Variants in PIK3C2A observed in about 807,000 individuals in gnomAD.
PIK3C2A encodes the protein phosphatidylinositol-4-phosphate 3-kinase catalytic subunit type 2 alpha, also known as phosphatidylinositol 4-phosphate 3-kinase C2 domain-containing subunit alpha.
In PIK3C2A, 97 loss-of-function variants were observed where a neutral mutation model predicts 204.5. The ratio of observed to expected loss-of-function variants is 0.47; its 90% confidence interval spans 0.40 to 0.56. The LOEUF (loss-of-function observed/expected upper bound fraction) is 0.56, where lower values mean the gene tolerates loss of function less well. Ranked by LOEUF, PIK3C2A falls within the 20% of genes least tolerant of loss-of-function variation. The pLI is 0.00. For missense variants in PIK3C2A, 1,735 were observed against 1,969.2 expected (o/e 0.88, Z 2.25); for synonymous variants, 653 against 664.4 (o/e 0.98, Z 0.26).
intron 1 of PIK3C2A, chr11:17,204,229 C>A (rs1383270795): frequency 2.6e-5 from 4 of 152,102 alleles, no homozygotes; most frequent in Non-Finnish European, 5.9e-5. Flanking sequence ...TGTGGCTGTT[C>A]CAAATTGAGA....
chr11:17,126,520 T>C (rs1211149485), intron 13 of PIK3C2A, among the ~76,000 whole-genome samples: 1 of 152,236 alleles, frequency 6.6e-6, no homozygotes, highest in Non-Finnish European at 1.5e-5. Context: ...AATTATTTCA[T>C]AAAGAATTTC....
At chr11:17,137,040 A>G (rs2137396579) in intron 8 of PIK3C2A, among the ~76,000 whole-genome samples, 1 of 152,346 alleles carries the variant, frequency 6.6e-6, no homozygotes, top group East Asian at 1.9e-4. Context: ...ACATATTAAT[A>G]ACACTGGGCA....
rs184084748 is a variant in PIK3C2A, at chr11:17,173,449, T to C, written c.-65-3643A>G. Among the ~76,000 whole-genome samples, 724 of 152,258 alleles carry C rather than the reference T, an allele frequency of 4.8e-3. 4 individuals carry two copies. Among genetic ancestry groups the C allele is most frequent in the Admixed American group, 9.2e-3 (141 of 15,284 alleles). ...CCGTCTTTGTCACCACTTGAGGAGA[T>C]AATGCCTAAAAATGAATCCAATCCA... On this transcript the variant is annotated intron_variant, in intron 1 of 32. Transcript: ENST00000691414.
Position 17,169,026 on chromosome 11 carries a change from T to C in PIK3C2A, c.716A>G (p.Asn239Ser). The change falls in exon 2 of 33, where the codon AAT becomes AGT. Residue 239 changes from asparagine to serine, a missense_variant. Coordinates refer to ENST00000691414, the MANE Select transcript of PIK3C2A (RefSeq NM_002645.4). ...CTCCAAATCAGTCCTTGCTTTCCCATTTTTTAAAAATTCTGATGTACTAGC... is the reference window on the plus strand; with the variant it reads ...CTCCAAATCAGTCCTTGCTTTCCCACTTTTTAAAAATTCTGATGTACTAGC... ...KIASTSEFLKNGKARTDLEIT... is the reference protein window; with the variant it reads ...KIASTSEFLKSGKARTDLEIT... 1 of 1,613,902 alleles carries C rather than the reference T, an allele frequency of 6.2e-7. No individual in the cohort carries two copies. The highest frequency in any genetic ancestry group is 8.5e-7 in the Non-Finnish European group (1 of 1,179,920).
chr11:17,097,005 G>C (rs1314787754), intron 27 of PIK3C2A, 52 bp downstream of exon 27: 1 of 1,068,482 alleles, frequency 9.4e-7, no homozygotes, highest in Non-Finnish European at 1.4e-6. Flanking sequence ...GAAGTAGAAA[G>C]GACAACAATA....
At chr11:17,175,246 A>G (rs1444279133) in intron 1 of PIK3C2A, among the ~76,000 whole-genome samples, 1 of 152,174 alleles carries the variant, frequency 6.6e-6, no homozygotes, top group Non-Finnish European at 1.5e-5. Flanking sequence ...TGCTTGCTCT[A>G]TTTCTAGTAC....
rs754154260 is a variant in PIK3C2A, at chr11:17,114,463, A to T, written c.3219T>A (p.Val1073=). 2.1e-6 allele frequency: 3 copies of T among 1,412,336 alleles called. No homozygotes were observed. In the East Asian group the frequency reaches 6.8e-5, roughly 32 times the overall value. 87.5% of individuals were successfully genotyped at this position (1,412,336 alleles called of 1,614,324 possible). A position where few individuals can be genotyped will look rare whatever the true frequency, so the allele number is the denominator to read the frequency against. The part of the protein sequence containing the change: ...VRQASGSARQ[V]VLQRSMERVQ... ...CTCGTTCCATACTTCTTTGGAGAACAACCTATAGAAAGAGATGTGATACTG... is the reference window on the plus strand; with the variant it reads ...CTCGTTCCATACTTCTTTGGAGAACTACCTATAGAAAGAGATGTGATACTG... The change falls in exon 20 of 33, where the codon GTT becomes GTA. Residue 1073 remains valine (V), a splice_region_variant and synonymous_variant. Transcript: ENST00000691414.
At chr11:17,093,997 G>A (rs1328001558) in intron 28 of PIK3C2A, among the ~76,000 whole-genome samples, 1 of 152,102 alleles carries the variant, frequency 6.6e-6, no homozygotes, top group Non-Finnish European at 1.5e-5. Context: ...GCTTACTATG[G>A]TAGAGACAGC....
At chr11:17,158,740 T>C (rs1850685076) in intron 2 of PIK3C2A, among the ~76,000 whole-genome samples, 1 of 152,196 alleles carries the variant, frequency 6.6e-6, no homozygotes, top group Non-Finnish European at 1.5e-5. Flanking sequence ...TCTTCATGTT[T>C]TACTTATTTT....
intron 27 of PIK3C2A, among the ~76,000 whole-genome samples, chr11:17,095,906 G>C (rs1288399180): frequency 6.6e-6 from 1 of 151,378 alleles, no homozygotes; most frequent in African/African-American, 2.4e-5. Context: ...AACAGAGTGA[G>C]ACTCTTTTAT....
chr11:17,169,076 G>A lies in PIK3C2A; in HGVS notation c.666C>T (p.Asp222=), dbSNP rs1851068817. ...LPIYRPVVST[D]MAKLFDKIAS... is the part of the protein sequence containing the mutation. ...CTATTTTGTCAAATAGTTTTGCCATGTCAGTACTGACTACTGGACGATAGA... is the reference window on the plus strand; with the variant it reads ...CTATTTTGTCAAATAGTTTTGCCATATCAGTACTGACTACTGGACGATAGA... The change falls in exon 2 of 33, where the codon GAC becomes GAT. Residue 222 remains aspartate (D), a synonymous_variant. Coordinates refer to ENST00000691414, the MANE Select transcript of PIK3C2A (RefSeq NM_002645.4). The A allele has an allele frequency of 6.2e-7, 1 of 1,614,140 alleles. No individual in the cohort carries two copies. The highest frequency in any genetic ancestry group is 1.3e-5 in the African/African-American group (1 of 75,042).
Position 17,150,489 on chromosome 11 carries a change from T to C in PIK3C2A, c.1327+9A>G. 2 of 1,594,606 alleles carry C rather than the reference T, an allele frequency of 1.3e-6. No individual in the cohort carries two copies. The highest frequency in any genetic ancestry group is 8.5e-7 in the Non-Finnish European group (1 of 1,171,752). On this transcript the variant is annotated intron_variant, in intron 4 of 32. Transcript: ENST00000691414. The stretch of plus-strand genomic sequence containing the variant: ...GCAAAACGAGAGGCTTGAGGAACCA[T>C]AAACCTACCATCACACGTAAAAGTA...
In PIK3C2A at chr11:17,099,909, C is replaced by T; in HGVS notation, c.4069G>A (p.Ala1357Thr). ...SIQDLKYVRD[A>T]LQPQTTDAEA... ...GCGTCTGTAGTTTGGGGTTGAAGTG[C>T]ATCTCTAACGTATTTCAAATCTTGA... Residue 1357 changes from alanine to threonine, a missense_variant, in exon 26 of 33, where the codon GCA (alanine) becomes ACA (threonine). Physicochemically the swap from Ala to Thr is moderately conservative, Grantham distance 58 (BLOSUM62 0). Around this residue, in one of 6 missense-constraint regions of PIK3C2A, gnomAD observed 503 missense variants for 669.0 expected, o/e 0.75. Transcript: ENST00000691414. The T allele has an allele frequency of 6.3e-7, 1 of 1,598,050 alleles. No individual in the cohort carries two copies. The highest frequency in any genetic ancestry group is 8.6e-7 in the Non-Finnish European group (1 of 1,165,686).
chr11:17,113,312 A>C (rs1258724734), intron 20 of PIK3C2A, among the ~76,000 whole-genome samples: 1 of 152,154 alleles, frequency 6.6e-6, no homozygotes, highest in Admixed American at 6.5e-5. Context: ...CACAAACTTT[A>C]AAGTTTGAGC....
intron 2 of PIK3C2A, among the ~76,000 whole-genome samples, chr11:17,167,223 G>A (rs552173700): frequency 5.5e-4 from 83 of 152,200 alleles, no homozygotes; most frequent in African/African-American, 1.7e-3. Flanking sequence ...TTCTCCCACC[G>A]TAGTCTTCCA....
In PIK3C2A at chr11:17,174,593, CAA is replaced by C. The variant is rs71047532; in HGVS notation, c.-65-4789_-65-4788del. ...TGGGCGACAGAGCGAGACTCCGTCTCAAAAAAAAAAAAAAAACAAAACAGCAG... is the reference window on the plus strand; with the variant it reads ...TGGGCGACAGAGCGAGACTCCGTCTCAAAAAAAAAAAAAACAAAACAGCAG... On this transcript the variant is annotated intron_variant, in intron 1 of 32. Transcript: ENST00000691414. Among the ~76,000 whole-genome samples, 8 of 35,712 alleles carry C rather than the reference CAA, an allele frequency of 2.2e-4. 3 individuals carry two copies. Among genetic ancestry groups the C allele is most frequent in the Non-Finnish European group, 3.2e-4 (7 of 21,946 alleles). The allele number at this position is 35,712 out of a possible 152,430, so 23.4% of individuals were successfully genotyped here.
chr11:17,136,095 C>T (rs1313256612), intron 9 of PIK3C2A, among the ~76,000 whole-genome samples: 1 of 152,154 alleles, frequency 6.6e-6, no homozygotes, highest in Non-Finnish European at 1.5e-5. Context: ...AGCCACTTCC[C>T]CCACTGATTA....
chr11:17,203,406 C>G (rs1852456047), intron 1 of PIK3C2A, among the ~76,000 whole-genome samples: 1 of 151,672 alleles, frequency 6.6e-6, no homozygotes, highest in Non-Finnish European at 1.5e-5. Context: ...CATAAATGAA[C>G]AAAATAAAGA....
At chr11:17,094,869 A>C (rs1303294038) in intron 27 of PIK3C2A, among the ~76,000 whole-genome samples, 2 of 152,230 alleles carry the variant, frequency 1.3e-5, no homozygotes, top group African/African-American at 4.8e-5. Flanking sequence ...CCAATAGGAA[A>C]AAGCAAATAT....
Sources: gnomAD v4.1 joint callset for allele counts (sites outside exome capture counted in the v4.1 genomes callset) on GRCh38, gnomAD v4.1.1 for gene constraint, gnomAD v4.1.1 regional missense constraint, MANE v1.5 for transcripts, NCBI Gene and HGNC (gene_info 2026-07-23, HGNC 2026-07-21) for gene names.